Variants in SLC4A10 observed in about 807,000 individuals in gnomAD.
The protein encoded by SLC4A10 is solute carrier family 4 member 10.
Under a neutral mutation model 137.7 loss-of-function variants are expected in SLC4A10, and 42 were observed. That is an observed-to-expected ratio of 0.30 (90% CI 0.24 to 0.39). The LOEUF (loss-of-function observed/expected upper bound fraction) is 0.39. Among genes scored for constraint, SLC4A10 ranks in the 10% least tolerant of loss-of-function variants. SLC4A10 has a pLI of 1.00. For synonymous variants in SLC4A10, 474 were observed against 464.1 expected, an observed-to-expected ratio of 1.02 and a Z score of -0.27; for missense variants, 925 against 1,355.0, an observed-to-expected ratio of 0.68 and a Z score of 4.98.
rs140380447 is a variant in SLC4A10, at chr2:161,655,144, G to A, written c.48+30578G>A. ...TTATTTTTTTCATGCTATTGTCAAT[G>A]TGATTGTTTTCTTAATTTCTTTTTT... On this transcript the variant is annotated intron_variant, in intron 1 of 26. Coordinates refer to ENST00000446997, the MANE Select transcript of SLC4A10 (RefSeq NM_001178015.2). 5.8e-3 allele frequency among the ~76,000 whole-genome samples: 886 copies of A among 152,050 alleles called. 11 individuals carry two copies. Among genetic ancestry groups the A allele is most frequent in the African/African-American group, 0.021 (855 of 41,488 alleles).
intron 1 of SLC4A10, among the ~76,000 whole-genome samples, chr2:161,718,586 A>C (rs72875598): frequency 6.6e-6 from 1 of 152,024 alleles, no homozygotes; most frequent in Non-Finnish European, 1.5e-5. Context: ...TGGGTTGTTC[A>C]ATTTCCATGT....
intron 3 of SLC4A10, among the ~76,000 whole-genome samples, chr2:161,810,126 G>A (rs780959167): frequency 1.3e-4 from 20 of 151,506 alleles, no homozygotes; most frequent in Non-Finnish European, 2.5e-4. Flanking sequence ...TTTTTTGTGT[G>A]CCTATTGTAA....
intron 6 of SLC4A10, among the ~76,000 whole-genome samples, chr2:161,870,981 A>G (rs775086170): frequency 1.1e-4 from 16 of 151,912 alleles, no homozygotes; most frequent in Non-Finnish European, 1.9e-4. Context: ...TTAAACCATA[A>G]AATTACTCCT....
intron 11 of SLC4A10, among the ~76,000 whole-genome samples, chr2:161,898,093 C>T (rs1021982292): frequency 3.3e-5 from 5 of 152,012 alleles, no homozygotes; most frequent in East Asian, 1.9e-4. Flanking sequence ...TCAAAGCATC[C>T]GAGTTCTGCA....
chr2:161,854,936 A>G (rs141932313), intron 4 of SLC4A10, 34 bp from the exon 5 acceptor site: 825 of 1,585,186 alleles, frequency 5.2e-4, no homozygotes, highest in Non-Finnish European at 6.6e-4. Context: ...CTACAATATA[A>G]TATAAACTGT....
intron 1 of SLC4A10, among the ~76,000 whole-genome samples, chr2:161,682,162 C>T (rs759850913): frequency 2.6e-5 from 4 of 151,942 alleles, no homozygotes; most frequent in Non-Finnish European, 4.4e-5. Flanking sequence ...GATTCCATGT[C>T]GAGTATGTTT....
At chr2:161,776,749 A>G (rs1271501494) in intron 2 of SLC4A10, among the ~76,000 whole-genome samples, 3 of 151,666 alleles carry the variant, frequency 2.0e-5, no homozygotes, top group Non-Finnish European at 4.4e-5. Context: ...TTCTATTTTT[A>G]ATTTTTTGAG....
intron 3 of SLC4A10, among the ~76,000 whole-genome samples, chr2:161,813,291 G>A (rs1227496668): frequency 6.6e-6 from 1 of 151,960 alleles, no homozygotes; most frequent in Admixed American, 6.6e-5. Flanking sequence ...GCTTAATGAG[G>A]CTGCTGTCAG....
At chr2:161,873,387 C>T (rs181038554) in intron 7 of SLC4A10, among the ~76,000 whole-genome samples, 4 of 151,700 alleles carry the variant, frequency 2.6e-5, no homozygotes, top group Non-Finnish European at 4.4e-5. Flanking sequence ...AGTTTCTAGC[C>T]GGGTGTGGTG....
At chr2:161,933,251 C>CTTTCTTTCT (rs1301630072) in intron 15 of SLC4A10, among the ~76,000 whole-genome samples, 1 of 76,868 alleles carries the variant, frequency 1.3e-5, no homozygotes, top group Non-Finnish European at 2.6e-5. Context: ...TTCTTTCTTT[C>CTTTCTTTCT]TTCTTTCTTT....
intron 1 of SLC4A10, among the ~76,000 whole-genome samples, chr2:161,723,238 G>A (rs549110286): frequency 6.6e-6 from 1 of 152,248 alleles, no homozygotes; most frequent in African/African-American, 2.4e-5. Context: ...GGAAAAGTGT[G>A]GTTTACCAGG....
intron 1 of SLC4A10, among the ~76,000 whole-genome samples, chr2:161,656,616 A>C (rs1057484973): frequency 1.3e-5 from 2 of 152,168 alleles, no homozygotes; most frequent in Non-Finnish European, 2.9e-5. Context: ...TACAAATATA[A>C]CTCAAGAATT....
At chr2:161,849,760 C>T (rs1298008677) in intron 4 of SLC4A10, among the ~76,000 whole-genome samples, 1 of 152,032 alleles carries the variant, frequency 6.6e-6, no homozygotes, top group African/African-American at 2.4e-5. Flanking sequence ...CCTATTTGAT[C>T]ATGGTGGATT....
At chr2:161,791,942 A>G (rs1574987477) in intron 2 of SLC4A10, among the ~76,000 whole-genome samples, 1 of 152,174 alleles carries the variant, frequency 6.6e-6, no homozygotes, top group African/African-American at 2.4e-5. Context: ...GTGGATAATA[A>G]CAAATAACTA....
intron 1 of SLC4A10, among the ~76,000 whole-genome samples, chr2:161,747,466 G>C (rs2048506140): frequency 6.6e-6 from 1 of 152,144 alleles, no homozygotes; most frequent in Non-Finnish European, 1.5e-5. Context: ...CTGCTTTCCT[G>C]TGCTGTTCAT....
At chr2:161,866,180 A>G (rs1224280729) in intron 6 of SLC4A10, among the ~76,000 whole-genome samples, 3 of 152,028 alleles carry the variant, frequency 2.0e-5, no homozygotes, top group Non-Finnish European at 4.4e-5. Context: ...TCCTTAATTG[A>G]CTTGTGTCTT....
chr2:161,712,104 A>C (rs1346350442), intron 1 of SLC4A10, among the ~76,000 whole-genome samples: 1 of 151,864 alleles, frequency 6.6e-6, no homozygotes, highest in Non-Finnish European at 1.5e-5. Flanking sequence ...CTACACTGAA[A>C]TATAGTTATA....
intron 1 of SLC4A10, chr2:161,708,553 C>T (rs781347479): frequency 4.6e-5 from 38 of 825,086 alleles, no homozygotes; most frequent in Non-Finnish European, 5.9e-5. Flanking sequence ...TCAGCAAATA[C>T]AACTGTGTCA....
chr2:161,739,635 C>G (rs950605521), intron 1 of SLC4A10, among the ~76,000 whole-genome samples: 6 of 152,136 alleles, frequency 3.9e-5, no homozygotes, highest in Non-Finnish European at 8.8e-5. Flanking sequence ...CCATACTTAC[C>G]GGCATCAATC....
Sources: allele counts gnomAD v4.1 joint callset (sites outside exome capture counted in the v4.1 genomes callset), GRCh38; gene constraint gnomAD v4.1.1; transcripts MANE v1.5; gene names NCBI Gene and HGNC (gene_info 2026-07-23, HGNC 2026-07-21).